ATXN1: variants seen among roughly 807,000 people sequenced by gnomAD.
ATXN1 encodes the protein ataxin 1.
ATXN1 carries 8 observed loss-of-function variants against 56.4 expected under a neutral mutation model. That is an observed-to-expected ratio of 0.14 (90% CI 0.08 to 0.26). The LOEUF is 0.26. Ranked by LOEUF, ATXN1 falls within the 10% of genes least tolerant of loss-of-function variation. ATXN1 has a pLI of 1.00. For synonymous variants in ATXN1, 514 were observed against 494.6 expected (o/e 1.04, Z -0.52); for missense variants, 987 against 1,106.5 (o/e 0.89, Z 1.53).
At chr6:16,540,181 A>G (rs1050493433) in intron 4 of ATXN1, among the ~76,000 whole-genome samples, 3 of 152,178 alleles carry the variant, frequency 2.0e-5, no homozygotes. Flanking sequence ...TAAACATTAT[A>G]GAGTGCTTAC....
intron 6 of ATXN1, among the ~76,000 whole-genome samples, chr6:16,470,409 C>T (rs989962393): frequency 2.6e-5 from 4 of 152,064 alleles, no homozygotes; most frequent in Non-Finnish European, 4.4e-5. Flanking sequence ...ATGGAGATGG[C>T]TTCACATCAA....
At chr6:16,399,099 A>G (rs981530666) in intron 6 of ATXN1, among the ~76,000 whole-genome samples, 1 of 152,216 alleles carries the variant, frequency 6.6e-6, no homozygotes. Flanking sequence ...GCAAAAACTA[A>G]ACCCATCTGT....
chr6:16,381,688 G>A (rs1469714190), intron 6 of ATXN1, among the ~76,000 whole-genome samples: 3 of 152,142 alleles, frequency 2.0e-5, no homozygotes, highest in South Asian at 4.1e-4. Context: ...AATTCCCATT[G>A]CAAGTTAAGA....
intron 6 of ATXN1, among the ~76,000 whole-genome samples, chr6:16,422,623 T>C (rs1759060638): frequency 6.6e-6 from 1 of 152,210 alleles, no homozygotes; most frequent in South Asian, 2.1e-4. Flanking sequence ...TAATTGTTCC[T>C]TCCTAAGAGT....
chr6:16,568,227 G>T (rs778476580), intron 4 of ATXN1, among the ~76,000 whole-genome samples: 1 of 152,076 alleles, frequency 6.6e-6, no homozygotes, highest in Non-Finnish European at 1.5e-5. Flanking sequence ...ATTCCAATTC[G>T]CAAGAATATT....
intron 6 of ATXN1, among the ~76,000 whole-genome samples, chr6:16,396,514 T>C (rs1317676986): frequency 6.6e-6 from 1 of 152,190 alleles, no homozygotes; most frequent in Non-Finnish European, 1.5e-5. Context: ...TTATGAAAGT[T>C]ATCAAAAAGT....
At chr6:16,701,513 A>G (rs1439903401) in intron 2 of ATXN1, among the ~76,000 whole-genome samples, 3 of 152,190 alleles carry the variant, frequency 2.0e-5, no homozygotes, top group Admixed American at 6.5e-5. Context: ...GGAAATAAAG[A>G]GTATTCAATT....
intron 6 of ATXN1, among the ~76,000 whole-genome samples, chr6:16,454,967 T>C (rs1759835244): frequency 6.6e-6 from 1 of 152,198 alleles, no homozygotes; most frequent in South Asian, 2.1e-4. Flanking sequence ...GACTCAGCAG[T>C]GACCACCACT....
At chr6:16,533,724 T>G (rs1366405283) in intron 4 of ATXN1, among the ~76,000 whole-genome samples, 1 of 152,174 alleles carries the variant, frequency 6.6e-6, no homozygotes, top group African/African-American at 2.4e-5. Flanking sequence ...AAGAGAAGTC[T>G]TCTTCTTTCC....
At chr6:16,423,808 A>C (rs2237206) in intron 6 of ATXN1, among the ~76,000 whole-genome samples, 46,277 of 152,054 alleles carry the variant, frequency 0.3, 7,871 homozygotes, top group African/African-American at 0.47. Context: ...ATGCATACAC[A>C]TGCAGGACTA....
chr6:16,309,895 A>T (rs901860561), intron 7 of ATXN1, among the ~76,000 whole-genome samples: 6 of 151,940 alleles, frequency 3.9e-5, no homozygotes, highest in African/African-American at 1.5e-4. Context: ...TTAGCTGGGC[A>T]TGGTGGCAGG....
At chr6:16,610,926 G>A (rs974732761) in intron 3 of ATXN1, among the ~76,000 whole-genome samples, 27 of 151,798 alleles carry the variant, frequency 1.8e-4, no homozygotes, top group Non-Finnish European at 3.7e-4. Flanking sequence ...AGCTACTTAG[G>A]AGGCTGAGGT....
At chr6:16,356,889 C>A (rs1396990162) in intron 6 of ATXN1, among the ~76,000 whole-genome samples, 1 of 152,060 alleles carries the variant, frequency 6.6e-6, no homozygotes, top group Non-Finnish European at 1.5e-5. Flanking sequence ...TCAAAAAACA[C>A]CAAAAAAATT....
At chr6:16,460,252 CT>C (rs1255006396) in intron 6 of ATXN1, among the ~76,000 whole-genome samples, 6 of 152,178 alleles carry the variant, frequency 3.9e-5, no homozygotes, top group Non-Finnish European at 8.8e-5. Flanking sequence ...GACAAAACTT[CT>C]CTTTATACCT....
chr6:16,588,939 C>T (rs1007894525), intron 3 of ATXN1, among the ~76,000 whole-genome samples: 1 of 152,130 alleles, frequency 6.6e-6, no homozygotes, highest in Non-Finnish European at 1.5e-5. Context: ...ACATGCAAGG[C>T]TCCTTGAGCT....
intron 2 of ATXN1, among the ~76,000 whole-genome samples, chr6:16,749,792 T>A (rs1003596151): frequency 6.6e-6 from 1 of 152,206 alleles, no homozygotes; most frequent in Admixed American, 6.5e-5. Flanking sequence ...TGTCAAACTT[T>A]TTGCCAGGCC....
intron 6 of ATXN1, among the ~76,000 whole-genome samples, chr6:16,371,056 A>C (rs1368822156): frequency 6.6e-6 from 1 of 152,222 alleles, no homozygotes; most frequent in East Asian, 1.9e-4. Flanking sequence ...AGAATGCAAT[A>C]AATTCCAGTA....
At chr6:16,747,755 T>C (rs1478312607) in intron 2 of ATXN1, among the ~76,000 whole-genome samples, 1 of 151,234 alleles carries the variant, frequency 6.6e-6, no homozygotes, top group Non-Finnish European at 1.5e-5. Context: ...AAGTGATCTT[T>C]CTTCTCTATC....
chr6:16,593,943 T>C (rs547118945), intron 3 of ATXN1, among the ~76,000 whole-genome samples: 2 of 148,364 alleles, frequency 1.3e-5, no homozygotes, highest in African/African-American at 4.9e-5. Context: ...CTAATACATA[T>C]ATTAGTCCAA....
Sources: allele counts gnomAD v4.1 joint callset (sites outside exome capture counted in the v4.1 genomes callset), GRCh38; gene constraint gnomAD v4.1.1; transcripts MANE v1.5; gene names NCBI Gene and HGNC (gene_info 2026-07-23, HGNC 2026-07-21).